SLC48A1: variants seen among roughly 807,000 people sequenced by gnomAD.
SLC48A1 encodes the protein solute carrier family 48 member 1.
SLC48A1 carries 6 observed loss-of-function variants against 14.8 expected under a neutral mutation model. The ratio of observed to expected loss-of-function variants is 0.41; its 90% CI spans 0.22 to 0.80. The LOEUF is 0.80. Among genes scored for constraint, SLC48A1 ranks in the 30% least tolerant of loss-of-function variants. The probability of loss-of-function intolerance (pLI) is 0.34; values close to 1 mark genes in which losing one functional copy is unlikely to be tolerated. For missense variants in SLC48A1, 165 were observed against 204.8 expected, an observed-to-expected ratio of 0.81 and a Z score of 1.19; for synonymous variants, 89 against 90.0, an observed-to-expected ratio of 0.99 and a Z score of 0.06.
chr12:47,756,173 A>C (rs1942040136), upstream of SLC48A1: 1 of 151,974 alleles, frequency 6.6e-6, no homozygotes, highest in African/African-American at 2.4e-5. Flanking sequence ...CCAGCCCTTC[A>C]TTTCTGGGGG....
chr12:47,773,345 A>G lies in SLC48A1; in HGVS notation c.41A>G (p.Tyr14Cys). ...CTGCAGCTCGGCCTCCGCGCCGCCTACTCCGGCATCAGCTCCGTGGCCGGC... is the reference window on the plus strand; with the variant it reads ...CTGCAGCTCGGCCTCCGCGCCGCCTGCTCCGGCATCAGCTCCGTGGCCGGC... ...SRLQLGLRAA[Y>C]SGISSVAGFS... Residue 14 changes from tyrosine to cysteine, a missense_variant, in exon 1 of 3, where the codon TAC becomes TGC. Tyr to Cys is a radical substitution (Grantham distance 194, BLOSUM62 -2). Coordinates refer to ENST00000442218, the MANE Select transcript of SLC48A1 (RefSeq NM_017842.3). The G allele has an allele frequency of 6.8e-7, 1 of 1,472,962 alleles. No individual in the cohort carries two copies. Among genetic ancestry groups the G allele is most frequent in the Non-Finnish European group, 9.0e-7 (1 of 1,111,060 alleles). 91.2% of individuals were successfully genotyped at this position (1,472,962 alleles called of 1,614,324 possible). A position where few individuals can be genotyped will look rare whatever the true frequency, so the allele number is the denominator to read the frequency against.
At chr12:47,763,688 C>A (rs1440337582) in intron 2 of SLC48A1, among the ~76,000 whole-genome samples, 2 of 152,168 alleles carry the variant, frequency 1.3e-5, no homozygotes, top group African/African-American at 4.8e-5. Flanking sequence ...GGGCCCCAAG[C>A]CAAACCTTCC....
upstream of SLC48A1, chr12:47,756,064 C>T (rs1942033264): frequency 6.6e-6 from 1 of 152,238 alleles, no homozygotes; most frequent in Admixed American, 6.5e-5. Context: ...CTCTAGTCAC[C>T]AACGCCCACC....
upstream of SLC48A1, among the ~76,000 whole-genome samples, chr12:47,773,021 C>T (rs1034370499): frequency 1.3e-5 from 2 of 152,092 alleles, no homozygotes; most frequent in African/African-American, 4.8e-5. Flanking sequence ...TCCAACAATC[C>T]GGACACGGCG....
chr12:47,773,816 ACACACACACACACG>A (rs1278710451), intron 1 of SLC48A1, among the ~76,000 whole-genome samples: 2 of 151,614 alleles, frequency 1.3e-5, no homozygotes, highest in East Asian at 3.9e-4. Context: ...CCAAACACAC[ACACACACACACACG>A]CACACACACA....
intron 2 of SLC48A1, among the ~76,000 whole-genome samples, chr12:47,761,622 G>C (rs12827114): frequency 6.6e-6 from 1 of 152,232 alleles, no homozygotes; most frequent in Non-Finnish European, 1.5e-5. Flanking sequence ...CTGAGGCCTA[G>C]AAGGGGCAGA....
In SLC48A1 at chr12:47,780,304, C is replaced by T. The variant is rs1942839321; in HGVS notation, c.*23C>T. On this transcript the variant is annotated 3_prime_UTR_variant, in exon 3 of 3. Coordinates refer to ENST00000442218, the MANE Select transcript of SLC48A1 (RefSeq NM_017842.3). Reference sequence around the variant, plus strand: ...TGACCCAGGGGGTGAGGTCTCTGCACCCTGGGGGGGCCTTAGGACCTGGAC... The same window carrying T: ...TGACCCAGGGGGTGAGGTCTCTGCATCCTGGGGGGGCCTTAGGACCTGGAC... The T allele has an allele frequency of 1.2e-6, 2 of 1,614,134 alleles. No individual in the cohort carries two copies. The highest frequency in any genetic ancestry group is 4.5e-5 in the East Asian group (2 of 44,878).
chr12:47,765,614 T>C (rs1942500922), intron 2 of SLC48A1, among the ~76,000 whole-genome samples: 1 of 152,196 alleles, frequency 6.6e-6, no homozygotes, highest in Non-Finnish European at 1.5e-5. Context: ...GGCCTGTCAC[T>C]GCCCCTGAGT....
rs901290618 is a variant in SLC48A1, at chr12:47,777,095, A to G, written c.137-1933A>G. Among the ~76,000 whole-genome samples the G allele has an allele frequency of 5.3e-5, 8 of 152,116 alleles. No homozygotes were observed. The highest frequency in any genetic ancestry group is 1.9e-4 in the African/African-American group (8 of 41,424). On this transcript the variant is annotated intron_variant, in intron 1 of 2. Coordinates refer to ENST00000442218, the MANE Select transcript of SLC48A1 (RefSeq NM_017842.3). This position sits in a 1 kb window ranked among gnomAD's most constrained non-coding sequence, Gnocchi z 4.5. ...CTTTATAAACCAAACAGCTCCCTCAAATGAAAACATGGGACACATGTGAGG... is the reference window on the plus strand; with the variant it reads ...CTTTATAAACCAAACAGCTCCCTCAGATGAAAACATGGGACACATGTGAGG...
At chr12:47,778,862 T>C (rs1361361559) in intron 1 of SLC48A1, 166 bp from the exon 2 acceptor site, 4 of 738,654 alleles carry the variant, frequency 5.4e-6, no homozygotes, top group South Asian at 2.3e-5. Flanking sequence ...GCTCAGTCTC[T>C]TACCTGCTTC....
chr12:47,771,556 A>C (rs1037117830), upstream of SLC48A1: 2 of 152,534 alleles, frequency 1.3e-5, no homozygotes, highest in African/African-American at 4.8e-5. Flanking sequence ...ATTATCCTGG[A>C]CTATCCCCTC....
At chr12:47,755,336 A>G (rs1364295393), upstream of SLC48A1, among the ~76,000 whole-genome samples, 1 of 152,054 alleles carries the variant, frequency 6.6e-6, no homozygotes, top group African/African-American at 2.4e-5. Flanking sequence ...ATAAAGGCAA[A>G]CCTCTTTCAA....
upstream of SLC48A1, chr12:47,771,173 A>G (rs2136858779): frequency 3.5e-6 from 1 of 283,254 alleles, no homozygotes; most frequent in South Asian, 3.3e-5. Flanking sequence ...ATTATTCTAG[A>G]GTGAGGCAAA....
chr12:47,759,124 A>G (rs1942279738), intron 1 of SLC48A1: 7 of 983,910 alleles, frequency 7.1e-6, no homozygotes, highest in Non-Finnish European at 8.4e-6. Flanking sequence ...GGAGGCCGCA[A>G]CGGCCGGGGT....
chr12:47,760,596 T>A (rs527268443), intron 2 of SLC48A1, among the ~76,000 whole-genome samples: 2 of 149,570 alleles, frequency 1.3e-5, no homozygotes, highest in African/African-American at 4.9e-5. Flanking sequence ...AGGACACTTG[T>A]ATACATTTCA....
At chr12:47,772,129 A>C (rs74085207), upstream of SLC48A1, 510 of 154,874 alleles carry the variant, frequency 3.3e-3, 3 homozygotes, top group African/African-American at 0.011. Context: ...CACACACACA[A>C]AAAAAACTAA....
At chr12:47,775,281 A>G (rs1035042798) in intron 1 of SLC48A1, among the ~76,000 whole-genome samples, 3 of 152,134 alleles carry the variant, frequency 2.0e-5, no homozygotes, top group East Asian at 1.9e-4. Context: ...TTCCGACCCA[A>G]CTCTGCCCTC....
upstream of SLC48A1, among the ~76,000 whole-genome samples, chr12:47,755,418 G>A (rs148233136): frequency 1.2e-4 from 18 of 152,224 alleles, no homozygotes; most frequent in East Asian, 1.5e-3. Flanking sequence ...ATGAAAGTGC[G>A]TTCTCGGAGT....
At chr12:47,759,072 AG>A in intron 1 of SLC48A1, 1 of 985,868 alleles carries the variant, frequency 1.0e-6, no homozygotes, top group African/African-American at 1.7e-5. Flanking sequence ...GCCTGAGCCC[AG>A]AGTATCCCCA....
Sources: allele counts gnomAD v4.1 joint callset (sites outside exome capture counted in the v4.1 genomes callset), GRCh38; gene constraint gnomAD v4.1.1; non-coding constraint Gnocchi (gnomAD v3.1); transcripts MANE v1.5; gene names NCBI Gene and HGNC (gene_info 2026-07-23, HGNC 2026-07-21).